The following CUX1 variants were observed in gnomAD, a reference collection of about 807,000 sequenced individuals.
CUX1 encodes cut like homeobox 1, also known as protein CASP.
Under a neutral mutation model 158.8 loss-of-function variants are expected in CUX1, and 31 were observed. That is an observed-to-expected ratio of 0.20 (90% CI 0.15 to 0.26). The LOEUF (loss-of-function observed/expected upper bound fraction) is 0.26, where lower values mean the gene tolerates loss of function less well. Among genes scored for constraint, CUX1 ranks in the 10% least tolerant of loss-of-function variants. CUX1 has a pLI of 1.00. For synonymous variants in CUX1, 879 were observed against 862.1 expected (o/e 1.02, Z -0.34); for missense variants, 1,589 against 2,014.6 (o/e 0.79, Z 4.04).
At chr7:102,243,118 A>G (rs1306350072) in intron 23 of CUX1, among the ~76,000 whole-genome samples, 1 of 152,030 alleles carries the variant, frequency 6.6e-6, no homozygotes, top group Non-Finnish European at 1.5e-5. Context: ...TACTAAAAAT[A>G]CAAAAATTAG....
intron 3 of CUX1, among the ~76,000 whole-genome samples, chr7:102,036,930 T>C (rs1271537146): frequency 6.6e-6 from 1 of 151,494 alleles, no homozygotes; most frequent in Non-Finnish European, 1.5e-5. Flanking sequence ...CTGGCTGCTA[T>C]CTGTAATCCC....
At chr7:102,025,952 A>G (rs1371044908) in intron 2 of CUX1, among the ~76,000 whole-genome samples, 1 of 152,118 alleles carries the variant, frequency 6.6e-6, no homozygotes, top group Non-Finnish European at 1.5e-5. Flanking sequence ...CAAGACAGGC[A>G]GATCGCTTGA....
At chr7:101,849,425 G>T (rs933799772) in intron 1 of CUX1, among the ~76,000 whole-genome samples, 2 of 151,918 alleles carry the variant, frequency 1.3e-5, no homozygotes, top group African/African-American at 4.8e-5. Flanking sequence ...GTGAGAACAT[G>T]CAGTATTTGG....
chr7:101,964,531 T>TTG, intron 2 of CUX1, among the ~76,000 whole-genome samples: 1 of 152,262 alleles, frequency 6.6e-6, no homozygotes, highest in East Asian at 1.9e-4. Flanking sequence ...GAAGCTAGCT[T>TTG]TGCTTTATTT....
At chr7:102,033,741 A>G (rs912579473) in intron 3 of CUX1, among the ~76,000 whole-genome samples, 2 of 152,226 alleles carry the variant, frequency 1.3e-5, no homozygotes, top group African/African-American at 4.8e-5. Context: ...CATACTTAGC[A>G]GACTCCTTCA....
Position 101,913,274 on chromosome 7 carries a change from C to T in CUX1, c.31-2841C>T, listed in dbSNP as rs376202443. ...CTGTGCCAATCTGTTTCTGTGGTGG[C>T]GGGTGGCGGCTCGGTGTTAAATTTG... is the stretch of plus-strand genomic sequence containing the variant. On this transcript the variant is annotated intron_variant, in intron 1 of 23. Transcript: ENST00000292535. 4.4e-5 allele frequency: 36 copies of T among 820,572 alleles called. No individual in the cohort carries two copies. In the East Asian group the frequency reaches 6.0e-4, roughly 14 times the overall value. 50.8% of individuals were successfully genotyped at this position (820,572 alleles called of 1,614,324 possible). A position where few individuals can be genotyped will look rare whatever the true frequency, so the allele number is the denominator to read the frequency against.
chr7:102,215,229 C>CTTTTT (rs547506149), intron 20 of CUX1, among the ~76,000 whole-genome samples: 1 of 92,750 alleles, frequency 1.1e-5, no homozygotes, highest in Non-Finnish European at 2.1e-5. Flanking sequence ...GTTACTCCAA[C>CTTTTT]TTTTTTTTTT....
intron 3 of CUX1, among the ~76,000 whole-genome samples, chr7:102,057,491 T>A (rs1824298954): frequency 6.6e-6 from 1 of 152,194 alleles, no homozygotes; most frequent in African/African-American, 2.4e-5. Flanking sequence ...TGAAGAACAT[T>A]TGTGATTCAT....
intron 1 of CUX1, among the ~76,000 whole-genome samples, chr7:101,852,489 A>AG (rs1796368031): frequency 6.6e-6 from 1 of 151,816 alleles, no homozygotes; most frequent in African/African-American, 2.4e-5. Context: ...ATCGTGGCAC[A>AG]CACCTGTAGT....
chr7:102,279,116 G>A (rs1049122334), intron 18 of CUX1, among the ~76,000 whole-genome samples: 7 of 151,606 alleles, frequency 4.6e-5, no homozygotes, highest in Non-Finnish European at 7.4e-5. Context: ...TGAGGCGGGC[G>A]GATCATTTGA....
At chr7:102,100,888 A>C (rs953648852) in intron 5 of CUX1, among the ~76,000 whole-genome samples, 6 of 152,088 alleles carry the variant, frequency 3.9e-5, no homozygotes, top group South Asian at 2.1e-4. Context: ...TGAAGAAAAG[A>C]GGTTTATTTG....
chr7:102,132,292 A>AGTGTGT (rs782562542), intron 8 of CUX1, among the ~76,000 whole-genome samples: 13 of 103,346 alleles, frequency 1.3e-4, no homozygotes, highest in Non-Finnish European at 2.1e-4. Context: ...TGAGAGAGAG[A>AGTGTGT]GTGTGTGTGT....
intron 3 of CUX1, among the ~76,000 whole-genome samples, chr7:102,034,140 C>A (rs747165346): frequency 2.9e-4 from 2 of 7,008 alleles, no homozygotes; most frequent in Non-Finnish European, 2.1e-4. Context: ...AGCGAGACTC[C>A]ATCTCAAAAA....
intron 2 of CUX1, among the ~76,000 whole-genome samples, chr7:101,989,945 A>T (rs1814885807): frequency 6.6e-6 from 1 of 152,232 alleles, no homozygotes; most frequent in Non-Finnish European, 1.5e-5. Context: ...TGCTGTGGGA[A>T]ACCACTTTAA....
At chr7:102,111,102 T>C (rs1554489909) in intron 6 of CUX1, among the ~76,000 whole-genome samples, 1 of 132,908 alleles carries the variant, frequency 7.5e-6, no homozygotes. Flanking sequence ...TTTGGAGGGG[T>C]TTTTTTTTTT....
chr7:102,218,170 T>G (rs1797438663), intron 20 of CUX1, among the ~76,000 whole-genome samples: 1 of 152,190 alleles, frequency 6.6e-6, no homozygotes, highest in Non-Finnish European at 1.5e-5. Context: ...CCAGACTCTT[T>G]GTTTGAGTGA....
chr7:102,081,464 A>G (rs969639589), intron 4 of CUX1, among the ~76,000 whole-genome samples: 1 of 146,392 alleles, frequency 6.8e-6, no homozygotes. Context: ...CGATGGTTTT[A>G]TAAGTGTTTG....
chr7:102,040,696 T>G (rs1415804591), intron 3 of CUX1, among the ~76,000 whole-genome samples: 1 of 152,230 alleles, frequency 6.6e-6, no homozygotes, highest in Non-Finnish European at 1.5e-5. Context: ...TATTTAAGCA[T>G]TCAGATCTAA....
chr7:102,150,267 C>T (rs962190840), intron 8 of CUX1, among the ~76,000 whole-genome samples: 14 of 152,026 alleles, frequency 9.2e-5, no homozygotes, highest in Non-Finnish European at 1.9e-4. Flanking sequence ...GCGATTCTTC[C>T]GCCTCAGCCT....
Sources: allele counts gnomAD v4.1 joint callset (sites outside exome capture counted in the v4.1 genomes callset), GRCh38; gene constraint gnomAD v4.1.1; transcripts MANE v1.5; gene names NCBI Gene and HGNC (gene_info 2026-07-23, HGNC 2026-07-21).